Variants in OVCH1 observed in about 807,000 individuals in gnomAD.
The protein encoded by OVCH1 is ovochymase-1.
In OVCH1, 139 loss-of-function variants were observed where a neutral mutation model predicts 138.4. The ratio of observed to expected loss-of-function variants is 1.00; its 90% CI spans 0.87 to 1.16. OVCH1 has a LOEUF of 1.16. OVCH1 is among the 50% of genes most tolerant of loss of function. The probability of loss-of-function intolerance (pLI) is 0.00; values close to 1 mark genes in which losing one functional copy is unlikely to be tolerated. For missense variants in OVCH1, 1,367 were observed against 1,357.9 expected (o/e 1.01, Z -0.11); for synonymous variants, 453 against 467.8 (o/e 0.97, Z 0.41).
chr12:29,414,014 CTCTCTCTTTTTT>C (rs778615604), intron 3 of OVCH1, among the ~76,000 whole-genome samples: 21 of 78,994 alleles, frequency 2.7e-4, no homozygotes, highest in Admixed American at 2.0e-3. Context: ...TCTCCTCTCT[CTCTCTCTTTTTT>C]TTTTTTTTTT....
At chr12:29,476,960 C>T in intron 12 of OVCH1, 142 bp downstream of exon 12, 1 of 1,031,566 alleles carries the variant, frequency 9.7e-7, no homozygotes, top group Non-Finnish European at 1.3e-6. Context: ...ACAGAGATTT[C>T]TTTTCAGAGT....
intron 5 of OVCH1, among the ~76,000 whole-genome samples, chr12:29,490,387 A>C (rs10843433): frequency 0.41 from 61,915 of 152,004 alleles, 12,910 homozygotes; most frequent in East Asian, 0.55. Flanking sequence ...GCCTAAAATT[A>C]TTTATAAAAT....
chr12:29,488,041 G>C (rs889934848), intron 6 of OVCH1, among the ~76,000 whole-genome samples, 159 bp from the exon 7 acceptor site: 1 of 152,098 alleles, frequency 6.6e-6, no homozygotes, highest in Non-Finnish European at 1.5e-5. Flanking sequence ...CCATTTTCTT[G>C]TGTCCTTATC....
At chr12:29,470,470 T>C (rs1007196196) in intron 16 of OVCH1, among the ~76,000 whole-genome samples, 2 of 152,188 alleles carry the variant, frequency 1.3e-5, no homozygotes, top group Non-Finnish European at 2.9e-5. Flanking sequence ...CATGCATTGT[T>C]TGGTTTTCTG....
chr12:29,486,225 C>T (rs780630513), intron 8 of OVCH1, 25 bp downstream of exon 8: 1 of 1,584,990 alleles, frequency 6.3e-7, no homozygotes, highest in South Asian at 1.1e-5. Context: ...AGTCAGCTTC[C>T]TTCTCTAATT....
At chr12:29,466,979 C>T (rs894274027) in intron 16 of OVCH1, among the ~76,000 whole-genome samples, 1 of 152,142 alleles carries the variant, frequency 6.6e-6, no homozygotes. Context: ...GCATTTTCTC[C>T]ACAGTCATAA....
At chr12:29,450,726 T>C (rs1468618797) in intron 22 of OVCH1, among the ~76,000 whole-genome samples, 2 of 152,184 alleles carry the variant, frequency 1.3e-5, no homozygotes, top group African/African-American at 4.8e-5. Context: ...TGTATGTTTA[T>C]TGCAGCACTC....
intron 19 of OVCH1, among the ~76,000 whole-genome samples, chr12:29,458,670 C>T (rs1942031349): frequency 6.6e-6 from 1 of 152,108 alleles, no homozygotes. Flanking sequence ...TAAAAATCTT[C>T]TGCACTGCAA....
At chr12:29,465,341 G>A (rs1170956263) in intron 16 of OVCH1, 122 bp from the exon 17 acceptor site, 11 of 768,832 alleles carry the variant, frequency 1.4e-5, no homozygotes, top group South Asian at 2.1e-5. Flanking sequence ...AGGAAAAGAG[G>A]TTTATGAAGA....
At chr12:29,489,477 T>C in intron 6 of OVCH1, 143 bp downstream of exon 6, 2 of 977,920 alleles carry the variant, frequency 2.0e-6, no homozygotes, top group South Asian at 3.9e-5. Context: ...AGTACACTTT[T>C]TCAGTAGAAA....
At position 29,486,358 on chromosome 12, in the gene OVCH1, GT is replaced by G. The variant is rs1943106468; in HGVS notation, c.893-11del. On this transcript the variant is annotated splice_polypyrimidine_tract_variant and intron_variant, in intron 7 of 27. Coordinates refer to ENST00000318184, the Ensembl canonical transcript of OVCH1. The stretch of plus-strand genomic sequence containing the variant: ...TGGCCCCGATCCAAACCTGTAAAAG[GT>G]ATAAGGAGTTAGTGCCTTTCCCAAT... The G allele has an allele frequency of 6.3e-7, 1 of 1,585,946 alleles. No homozygotes were observed. Among genetic ancestry groups the G allele is most frequent in the Non-Finnish European group, 8.6e-7 (1 of 1,158,534 alleles).
intron 18 of OVCH1, among the ~76,000 whole-genome samples, chr12:29,462,288 A>G (rs188113338): frequency 1.4e-3 from 207 of 151,318 alleles, no homozygotes; most frequent in African/African-American, 4.9e-3. Flanking sequence ...TTAGTGTATC[A>G]AATATTTCTG....
At chr12:29,406,694 C>A in the OVCH1 span, among the ~76,000 whole-genome samples, 1 of 146,710 alleles carries the variant, frequency 6.8e-6, no homozygotes, top group Non-Finnish European at 1.5e-5. Flanking sequence ...TTTTCTTAAT[C>A]CAGTCTATCA....
intron 3 of OVCH1, among the ~76,000 whole-genome samples, chr12:29,417,460 C>CAA (rs759067203): frequency 0.15 from 9,125 of 60,342 alleles, 993 homozygotes; most frequent in Non-Finnish European, 0.17. Context: ...CACTCCGTCT[C>CAA]AAAAAAAAAA....
chr12:29,491,592 C>A (rs1319319133), intron 4 of OVCH1, among the ~76,000 whole-genome samples: 1 of 151,774 alleles, frequency 6.6e-6, no homozygotes, highest in African/African-American at 2.4e-5. Context: ...ATGAGAGGAG[C>A]TGTAAAGAAC....
chr12:29,409,245 T>A (rs1940921874), downstream of OVCH1, among the ~76,000 whole-genome samples: 1 of 152,212 alleles, frequency 6.6e-6, no homozygotes, highest in Admixed American at 6.5e-5. Flanking sequence ...TTGTTGATCC[T>A]TTCAAAAAAC....
At chr12:29,497,321 T>C (rs970313342) in intron 1 of OVCH1, among the ~76,000 whole-genome samples, 23 of 151,372 alleles carry the variant, frequency 1.5e-4, no homozygotes, top group Admixed American at 1.4e-3. Context: ...GGAAGGGAGA[T>C]ATTTGTCTTT....
At chr12:29,446,456 T>C (rs937048497) in intron 22 of OVCH1, among the ~76,000 whole-genome samples, 3 of 152,154 alleles carry the variant, frequency 2.0e-5, no homozygotes, top group Admixed American at 1.3e-4. Flanking sequence ...TAGTAAAGAA[T>C]GCTATACAAC....
chr12:29,424,004 CGCTAGAGG>C (rs557530268), downstream of OVCH1, among the ~76,000 whole-genome samples: 14 of 152,186 alleles, frequency 9.2e-5, no homozygotes, highest in African/African-American at 2.6e-4. Flanking sequence ...AACCCAGCAG[CGCTAGAGG>C]AATTAAAGAC....
Sources: gnomAD v4.1 joint callset for allele counts (sites outside exome capture counted in the v4.1 genomes callset) on GRCh38, gnomAD v4.1.1 for gene constraint, MANE v1.5 for transcripts, NCBI Gene and HGNC (gene_info 2026-07-23, HGNC 2026-07-21) for gene names.